Variants in DLG2 observed in about 807,000 individuals in gnomAD.
DLG2 encodes the protein disks large homolog 2.
In DLG2, 45 loss-of-function variants were observed where a neutral mutation model predicts 132.5. That is an observed-to-expected ratio of 0.34 (90% CI 0.27 to 0.44). The LOEUF (loss-of-function observed/expected upper bound fraction) is 0.44, where lower values mean the gene tolerates loss of function less well. Among genes scored for constraint, DLG2 ranks in the 20% least tolerant of loss-of-function variants. The probability of loss-of-function intolerance (pLI) is 1.00; values close to 1 mark genes in which losing one functional copy is unlikely to be tolerated. For missense variants in DLG2, 1,045 were observed against 1,196.9 expected, an observed-to-expected ratio of 0.87 and a Z score of 1.87; for synonymous variants, 424 against 419.6, an observed-to-expected ratio of 1.01 and a Z score of -0.13.
intron 6 of DLG2, among the ~76,000 whole-genome samples, chr11:84,855,858 C>A (rs938613429): frequency 1.3e-5 from 2 of 152,036 alleles, no homozygotes; most frequent in African/African-American, 4.8e-5. Flanking sequence ...TTATTCAGAA[C>A]TTCCTTTATT....
At chr11:84,431,891 C>T (rs2098985834) in intron 7 of DLG2, among the ~76,000 whole-genome samples, 1 of 152,044 alleles carries the variant, frequency 6.6e-6, no homozygotes, top group Non-Finnish European at 1.5e-5. Flanking sequence ...GTTTCATTGG[C>T]AATCTTTTTT....
intron 4 of DLG2, among the ~76,000 whole-genome samples, chr11:85,178,372 T>C (rs1477252483): frequency 6.6e-6 from 1 of 152,020 alleles, no homozygotes; most frequent in Non-Finnish European, 1.5e-5. Flanking sequence ...GAGTAAAAGT[T>C]ATACAGGTTA....
intron 7 of DLG2, among the ~76,000 whole-genome samples, chr11:84,302,949 AC>A (rs1001474639): frequency 4.0e-5 from 6 of 151,810 alleles, no homozygotes; most frequent in South Asian, 2.1e-4. Flanking sequence ...AAATACACAC[AC>A]AGACAGACAC....
chr11:84,724,232 T>C (rs1356596632), intron 6 of DLG2, among the ~76,000 whole-genome samples: 1 of 152,186 alleles, frequency 6.6e-6, no homozygotes, highest in Non-Finnish European at 1.5e-5. Flanking sequence ...AGATTATTTC[T>C]AAGTTTGCTT....
intron 3 of DLG2, among the ~76,000 whole-genome samples, chr11:85,465,813 A>G (rs1359530699): frequency 2.6e-5 from 4 of 151,644 alleles, no homozygotes; most frequent in Non-Finnish European, 5.9e-5. Flanking sequence ...TCCTTTGGGT[A>G]TATACCGAGT....
intron 6 of DLG2, chr11:84,922,953 C>T: frequency 2.5e-6 from 3 of 1,207,726 alleles, no homozygotes; most frequent in South Asian, 1.3e-5. Context: ...CCTTTGCAAC[C>T]ACCTGTAATA....
At chr11:84,811,243 C>T (rs940370917) in intron 6 of DLG2, among the ~76,000 whole-genome samples, 1 of 152,058 alleles carries the variant, frequency 6.6e-6, no homozygotes, top group Non-Finnish European at 1.5e-5. Context: ...ATTCAACCAC[C>T]AGCTGGTATA....
chr11:84,058,872 T>C (rs890210935), intron 11 of DLG2, among the ~76,000 whole-genome samples: 3 of 152,014 alleles, frequency 2.0e-5, no homozygotes, highest in African/African-American at 7.2e-5. Context: ...GTACAACACA[T>C]AAGAATATAA....
At chr11:85,449,772 G>A (rs993911504) in intron 3 of DLG2, among the ~76,000 whole-genome samples, 1 of 138,516 alleles carries the variant, frequency 7.2e-6, no homozygotes, top group African/African-American at 2.7e-5. Flanking sequence ...GAGTGCTTTC[G>A]AATTGGAACT....
chr11:83,748,202 G>T (rs2093052391), intron 18 of DLG2, among the ~76,000 whole-genome samples: 1 of 152,144 alleles, frequency 6.6e-6, no homozygotes, highest in Admixed American at 6.6e-5. Context: ...TCTGTTCTTA[G>T]CTTTCTTCCC....
At chr11:83,662,003 G>A (rs562911220) in intron 18 of DLG2, among the ~76,000 whole-genome samples, 14 of 152,234 alleles carry the variant, frequency 9.2e-5, no homozygotes, top group East Asian at 3.9e-4. Flanking sequence ...TATACTTGGA[G>A]TGCATTTAAT....
At chr11:83,499,933 G>C (rs138937706) in intron 21 of DLG2, among the ~76,000 whole-genome samples, 7 of 130,286 alleles carry the variant, frequency 5.4e-5, no homozygotes, top group Admixed American at 1.8e-4. Context: ...TGACTAATAC[G>C]ACAGTCAAGA....
At chr11:83,460,085 C>T (rs957860486) in intron 27 of DLG2, among the ~76,000 whole-genome samples, 161 bp from the exon 28 acceptor site, 1 of 152,164 alleles carries the variant, frequency 6.6e-6, no homozygotes. Context: ...TTCATATAAG[C>T]AAAGTTACAT....
chr11:85,021,432 C>T, intron 6 of DLG2: 1 of 1,397,516 alleles, frequency 7.2e-7, no homozygotes, highest in Non-Finnish European at 1.0e-6. Context: ...GGTCAGCAAT[C>T]ATTCTGCCAT....
chr11:85,492,114 T>C (rs1308363009), intron 3 of DLG2, among the ~76,000 whole-genome samples: 2 of 152,158 alleles, frequency 1.3e-5, no homozygotes, highest in Admixed American at 6.5e-5. Flanking sequence ...AAATTTTCAG[T>C]GTAGTCACTA....
In DLG2 at chr11:85,512,928, C is replaced by T. The variant is rs560043411; in HGVS notation, c.40+85729G>A. Among the ~76,000 whole-genome samples, 7 of 152,158 alleles carry T rather than the reference C, an allele frequency of 4.6e-5. No homozygotes were observed. In the East Asian group the frequency reaches 1.4e-3, roughly 29 times the overall value. On this transcript the variant is annotated intron_variant, in intron 3 of 27. Transcript: ENST00000376104. ...GCAGCACTATTCACAACAGCAAAAA[C>T]ATGGAATCAACCCAGTTGCCCATCA... is the stretch of plus-strand genomic sequence containing the variant.
At position 83,541,786 on chromosome 11, in the gene DLG2, A is replaced by G. The variant is rs1367003803; in HGVS notation, c.2013T>C (p.Asp671=). 4.3e-6 allele frequency: 7 copies of G among 1,613,340 alleles called. No homozygotes were observed. In the East Asian group the frequency reaches 6.7e-5, roughly 15 times the overall value. The change falls in exon 20 of 28, where the codon GAT becomes GAC. Residue 671 remains aspartate (D), a synonymous_variant. Coordinates refer to ENST00000376104, the MANE Select transcript of DLG2 (RefSeq NM_001142699.3). ...CAGAGGCATTGATAACGTGGAGAAT[A>G]TCTCCATATTTAAAACTAAGTCCTT... is the stretch of plus-strand genomic sequence containing the variant. ...PSQGLSFKYG[D]ILHVINASDD...
intron 10 of DLG2, among the ~76,000 whole-genome samples, chr11:84,075,350 C>A (rs1414641450): frequency 6.6e-6 from 1 of 152,060 alleles, no homozygotes; most frequent in African/African-American, 2.4e-5. Flanking sequence ...AGAGTAGGAG[C>A]CTTGTCTGTC....
chr11:84,153,888 G>A (rs1288940770), intron 9 of DLG2, among the ~76,000 whole-genome samples: 1 of 152,204 alleles, frequency 6.6e-6, no homozygotes, highest in Non-Finnish European at 1.5e-5. Flanking sequence ...TTGGAGGTAA[G>A]GAGACACTCT....
Sources: allele counts gnomAD v4.1 joint callset (sites outside exome capture counted in the v4.1 genomes callset), GRCh38; gene constraint gnomAD v4.1.1; transcripts MANE v1.5; gene names NCBI Gene and HGNC (gene_info 2026-07-23, HGNC 2026-07-21).